CSMD1: variants seen among roughly 807,000 people sequenced by gnomAD.
CSMD1 encodes the protein CUB and sushi domain-containing protein 1.
Under a neutral mutation model 417.5 loss-of-function variants are expected in CSMD1, and 213 were observed. The ratio of observed to expected loss-of-function variants is 0.51; its 90% CI spans 0.46 to 0.57. The LOEUF is 0.57. Among genes scored for constraint, CSMD1 ranks in the 20% least tolerant of loss-of-function variants. The pLI is 0.00. For missense variants in CSMD1, 6,923 were observed against 4,529.7 expected (o/e 1.53, Z -15.17); for synonymous variants, 2,862 against 1,736.8 (o/e 1.65, Z -16.11).
chr8:3,803,077 G>C (rs4392928), intron 5 of CSMD1, among the ~76,000 whole-genome samples: 2 of 152,080 alleles, frequency 1.3e-5, no homozygotes, highest in Non-Finnish European at 2.9e-5. Context: ...ACAGCCTTTT[G>C]GTCTATCTCT....
intron 3 of CSMD1, among the ~76,000 whole-genome samples, chr8:4,313,111 G>A (rs1020003500): frequency 1.3e-5 from 2 of 152,126 alleles, no homozygotes; most frequent in Non-Finnish European, 2.9e-5. Context: ...CATTCTTATG[G>A]TCCCTTATTG....
At chr8:3,726,865 A>T (rs1284611686) in intron 6 of CSMD1, among the ~76,000 whole-genome samples, 2 of 152,226 alleles carry the variant, frequency 1.3e-5, no homozygotes, top group Non-Finnish European at 2.9e-5. Context: ...CTGCCCAAAG[A>T]TAGATTTCCT....
At chr8:4,905,709 C>G (rs1004883710) in intron 1 of CSMD1, among the ~76,000 whole-genome samples, 2 of 149,400 alleles carry the variant, frequency 1.3e-5, no homozygotes, top group Non-Finnish European at 3.0e-5. Flanking sequence ...AGTCCCAGCT[C>G]CTCGGGAGGC....
At chr8:4,556,186 C>T (rs546534347) in intron 2 of CSMD1, among the ~76,000 whole-genome samples, 22 of 152,134 alleles carry the variant, frequency 1.4e-4, no homozygotes, top group South Asian at 1.0e-3. Context: ...TTTGAATTTA[C>T]GACAACATTT....
At chr8:4,781,829 G>A (rs554062789) in intron 1 of CSMD1, among the ~76,000 whole-genome samples, 1 of 152,140 alleles carries the variant, frequency 6.6e-6, no homozygotes, top group Admixed American at 6.5e-5. Flanking sequence ...CATCATTCAC[G>A]ATGACGGTTC....
At chr8:4,286,549 A>G (rs901577186) in intron 3 of CSMD1, among the ~76,000 whole-genome samples, 2 of 152,110 alleles carry the variant, frequency 1.3e-5, no homozygotes, top group African/African-American at 4.8e-5. Flanking sequence ...CATTAAGAAC[A>G]TGGGCATGAT....
At chr8:4,816,266 A>C (rs28622489) in intron 1 of CSMD1, among the ~76,000 whole-genome samples, 40,920 of 151,432 alleles carry the variant, frequency 0.27, 5,698 homozygotes, top group Non-Finnish European at 0.3. Flanking sequence ...CTCACTGCAA[A>C]CTCTGCCTCC....
intron 5 of CSMD1, among the ~76,000 whole-genome samples, chr8:3,830,191 G>C (rs960040111): frequency 4.6e-5 from 7 of 152,288 alleles, no homozygotes; most frequent in Admixed American, 2.6e-4. Context: ...TTATGAAGTG[G>C]AACAAGGATT....
At chr8:4,336,213 T>C (rs1800161659) in intron 3 of CSMD1, among the ~76,000 whole-genome samples, 1 of 152,194 alleles carries the variant, frequency 6.6e-6, no homozygotes, top group Admixed American at 6.6e-5. Flanking sequence ...GCAGGTAGTA[T>C]GAATGCACCT....
intron 1 of CSMD1, among the ~76,000 whole-genome samples, chr8:4,915,012 T>G (rs4592061): frequency 0.34 from 51,461 of 152,090 alleles, 10,083 homozygotes; most frequent in Non-Finnish European, 0.45. Context: ...TTTAATTCAA[T>G]TCATATTAGA....
At chr8:3,176,700 T>A (rs1820956783) in intron 37 of CSMD1, among the ~76,000 whole-genome samples, 1 of 152,148 alleles carries the variant, frequency 6.6e-6, no homozygotes, top group Admixed American at 6.5e-5. Flanking sequence ...AATGATAGCT[T>A]TTCTTGAACC....
intron 10 of CSMD1, among the ~76,000 whole-genome samples, chr8:3,532,394 G>T (rs965064468): frequency 2.0e-5 from 3 of 152,130 alleles, no homozygotes; most frequent in Non-Finnish European, 4.4e-5. Flanking sequence ...GAGTGGTGAG[G>T]ATGGTGAGCT....
At chr8:4,988,821 G>A (rs561969046) in intron 1 of CSMD1, among the ~76,000 whole-genome samples, 17 of 152,226 alleles carry the variant, frequency 1.1e-4, no homozygotes, top group Admixed American at 9.8e-4. Context: ...AGGTTGATCT[G>A]CTGGAGGGAA....
intron 23 of CSMD1, among the ~76,000 whole-genome samples, chr8:3,312,554 C>T (rs533572696): frequency 4.8e-4 from 73 of 152,218 alleles, no homozygotes; most frequent in African/African-American, 1.7e-3. Flanking sequence ...CAAAGCTCCT[C>T]GCAGGATTTG....
chr8:3,322,367 T>C (rs1170067499), intron 23 of CSMD1, among the ~76,000 whole-genome samples: 1 of 152,208 alleles, frequency 6.6e-6, no homozygotes, highest in African/African-American at 2.4e-5. Context: ...AATAAGAACA[T>C]ATATAAGAAT....
chr8:3,325,282 C>A (rs527527249), intron 23 of CSMD1, among the ~76,000 whole-genome samples: 1 of 152,320 alleles, frequency 6.6e-6, no homozygotes, highest in East Asian at 1.9e-4. Context: ...ATCACAATCA[C>A]TTTTTATTAC....
In CSMD1 at chr8:3,348,046, C is replaced by A. The variant is rs1282549982; in HGVS notation, c.3420G>T (p.Lys1140Asn). The A allele has an allele frequency of 1.2e-6, 2 of 1,610,664 alleles. No individual in the cohort carries two copies. Among genetic ancestry groups the A allele is most frequent in the East Asian group, 2.2e-5 (1 of 44,732 alleles). The change falls in exon 22 of 70, where the codon AAG becomes AAT. Residue 1140 changes from lysine (K) to asparagine (N), a missense_variant. Physicochemically the swap from Lys to Asn is moderately conservative, Grantham distance 94. Coordinates refer to ENST00000635120, the MANE Select transcript of CSMD1 (RefSeq NM_033225.6). ...AGCTTCGTGTTCTAAGGTGGATGCC[C>A]TTGCCGGCTTCTGTTTCTATTTTAT... is the stretch of plus-strand genomic sequence containing the variant. ...CIYKIETEAG[K>N]GIHLRTRSFQ...
At chr8:3,336,114 A>G (rs1385957189) in intron 23 of CSMD1, among the ~76,000 whole-genome samples, 1 of 152,118 alleles carries the variant, frequency 6.6e-6, no homozygotes, top group Non-Finnish European at 1.5e-5. Flanking sequence ...CCATGGAACC[A>G]TGGGCAGGTT....
intron 5 of CSMD1, among the ~76,000 whole-genome samples, chr8:3,755,200 A>G (rs1467141295): frequency 1.3e-5 from 2 of 152,228 alleles, no homozygotes; most frequent in East Asian, 3.9e-4. Flanking sequence ...TCACTGGATT[A>G]GGATGCTTCT....
Sources: gnomAD v4.1 joint callset for allele counts (sites outside exome capture counted in the v4.1 genomes callset) on GRCh38, gnomAD v4.1.1 for gene constraint, MANE v1.5 for transcripts, NCBI Gene and HGNC (gene_info 2026-07-23, HGNC 2026-07-21) for gene names.